WTIP: variants seen among roughly 807,000 people sequenced by gnomAD.
WTIP encodes Wilms tumor protein 1-interacting protein.
A neutral mutation model predicts 41.7 loss-of-function variants in WTIP; 23 were observed. The ratio of observed to expected loss-of-function variants is 0.55; its 90% CI spans 0.40 to 0.78. The LOEUF (loss-of-function observed/expected upper bound fraction) is 0.78. Among genes scored for constraint, WTIP ranks in the 30% least tolerant of loss-of-function variants. WTIP has a pLI of 0.00. For synonymous variants in WTIP, 314 were observed against 269.9 expected, an observed-to-expected ratio of 1.16 and a Z score of -1.60; for missense variants, 619 against 610.5, an observed-to-expected ratio of 1.01 and a Z score of -0.15.
chr19:34,497,616 C>T (rs1385384987), intron 7 of WTIP, among the ~76,000 whole-genome samples: 1 of 152,184 alleles, frequency 6.6e-6, no homozygotes, highest in African/African-American at 2.4e-5. Context: ...GAGGCCTGGG[C>T]AGGAGAACCA....
intron 1 of WTIP, among the ~76,000 whole-genome samples, chr19:34,485,488 A>C (rs987736308): frequency 3.3e-5 from 5 of 152,254 alleles, no homozygotes; most frequent in African/African-American, 9.6e-5. Context: ...CATAGAGTTC[A>C]ACCAGAATAA....
chr19:34,500,209 C>T lies in WTIP; in HGVS notation c.1233C>T (p.His411=), dbSNP rs766517000. ...GCCACCTACTGTGTCGTCGTTGCCA[C>T]CTGCGGCGCCTCCAACCTGGGCCTC... ...LAGHLLCRRC[H]LRRLQPGPLP... The change falls in exon 8 of 8, where the codon CAC becomes CAT. Residue 411 remains histidine (H), a synonymous_variant. Transcript: ENST00000590071. 6.2e-7 allele frequency: 1 copy of T among 1,606,414 alleles called. No homozygotes were observed. Among genetic ancestry groups the T allele is most frequent in the East Asian group, 2.2e-5 (1 of 44,850 alleles).
intron 6 of WTIP, among the ~76,000 whole-genome samples, 169 bp from the exon 7 acceptor site, chr19:34,495,534 T>TGC (rs2075848330): frequency 6.6e-6 from 1 of 152,244 alleles, no homozygotes; most frequent in Admixed American, 6.5e-5. Flanking sequence ...TCTGTGTGTG[T>TGC]GCACCTGCTG....
In WTIP at chr19:34,500,405, C is replaced by G. The variant is rs1599966315; in HGVS notation, c.*136C>G. On this transcript the variant is annotated 3_prime_UTR_variant, in exon 8 of 8. Transcript: ENST00000590071. ...AGCTGCTGTCTGCAGGGGCCGGACC[C>G]CCGCGTGGAAGCTTCTATTTATTCA... 1 of 1,235,268 alleles carries G rather than the reference C, an allele frequency of 8.1e-7. No homozygotes were observed. Among genetic ancestry groups the G allele is most frequent in the Non-Finnish European group, 1.1e-6 (1 of 928,404 alleles). The allele number at this position is 1,235,268 out of a possible 1,614,324, so 76.5% of individuals were successfully genotyped here. A position where few individuals can be genotyped will look rare whatever the true frequency, so the allele number is the denominator to read the frequency against.
At chr19:34,492,342 TG>T (rs1186334284) in intron 2 of WTIP, among the ~76,000 whole-genome samples, 2 of 148,804 alleles carry the variant, frequency 1.3e-5, no homozygotes, top group Admixed American at 1.3e-4. Context: ...CTTGAACTCC[TG>T]GGCTCAAGCG....
Position 34,482,053 on chromosome 19 carries a change from T to TGCGGCTCTCCCGGTCGGGG in WTIP, c.85_103dup (p.Arg35LeufsTer130). 1 of 1,032,716 alleles carries TGCGGCTCTCCCGGTCGGGG rather than the reference T, an allele frequency of 9.7e-7. No homozygotes were observed. The highest frequency in any genetic ancestry group is 1.2e-6 in the Non-Finnish European group (1 of 862,202). 64.0% of individuals were successfully genotyped at this position (1,032,716 alleles called of 1,614,324 possible). A position where few individuals can be genotyped will look rare whatever the true frequency, so the allele number is the denominator to read the frequency against. On this transcript the variant is annotated frameshift_variant, in exon 1 of 8. Transcript: ENST00000590071. LOFTEE classifies it high-confidence loss of function. ...GGCCCTGCGGGAGCTGGAGCCCGGG[T>TGCGGCTCTCCCGGTCGGGG]GCGGCTCTCCCGGTCGGGGGCGGCG...
chr19:34,482,512 TTCCCGCTGCCTGCAC>T lies in WTIP; in HGVS notation c.549_563del (p.Ala184_Pro188del). On this transcript the variant is annotated inframe_deletion, in exon 1 of 8. Coordinates refer to ENST00000590071, the MANE Select transcript of WTIP (RefSeq NM_001080436.2). The stretch of plus-strand genomic sequence containing the variant: ...CCCGGAGCCTGCGGGGCCGGCTCCC[TTCCCGCTGCCTGCAC>T]TCCCGCTGCCCCCTGGCCGGGAGGG... 1.6e-6 allele frequency: 2 copies of T among 1,228,600 alleles called. No individual in the cohort carries two copies. Among genetic ancestry groups the T allele is most frequent in the South Asian group, 3.7e-5 (1 of 27,054 alleles). The allele number at this position is 1,228,600 out of a possible 1,614,324, so 76.1% of individuals were successfully genotyped here.
At chr19:34,487,053 C>T (rs374000316) in intron 1 of WTIP, among the ~76,000 whole-genome samples, 4 of 150,640 alleles carry the variant, frequency 2.7e-5, no homozygotes, top group African/African-American at 7.3e-5. Flanking sequence ...CTCAGACTCC[C>T]AAAGTGCTGA....
chr19:34,482,950 A>G (rs555831428), intron 1 of WTIP, among the ~76,000 whole-genome samples: 25 of 150,000 alleles, frequency 1.7e-4, no homozygotes, highest in Admixed American at 8.6e-4. Flanking sequence ...TCATGGGCAC[A>G]CTGAGCCATT....
chr19:34,488,478 G>A (rs1212965285), intron 1 of WTIP, among the ~76,000 whole-genome samples: 2 of 152,190 alleles, frequency 1.3e-5, no homozygotes, highest in South Asian at 4.2e-4. Context: ...TGATCCTCCT[G>A]CCTCAGACTC....
In WTIP at chr19:34,492,107, C is replaced by CTTT. The variant is rs71165662; in HGVS notation, c.770-911_770-909dup. Among the ~76,000 whole-genome samples the CTTT allele has an allele frequency of 5.0e-5, 5 of 100,550 alleles. No homozygotes were observed. The East Asian group carries it at 1.1e-3, about 22-fold the overall frequency. The allele number at this position is 100,550 out of a possible 152,430, so 66.0% of individuals were successfully genotyped here. A position where few individuals can be genotyped will look rare whatever the true frequency, so the allele number is the denominator to read the frequency against. ...TAATGGCTGATCTTGTGTTCAATGTCTTTTTTTTTTTTTTTTTTTTTAAGA... is the reference window on the plus strand; with the variant it reads ...TAATGGCTGATCTTGTGTTCAATGTCTTTTTTTTTTTTTTTTTTTTTTTTAAGA... On this transcript the variant is annotated intron_variant, in intron 2 of 7. Coordinates refer to ENST00000590071, the MANE Select transcript of WTIP (RefSeq NM_001080436.2).
intron 7 of WTIP, among the ~76,000 whole-genome samples, chr19:34,497,534 G>A (rs1156763272): frequency 2.6e-5 from 4 of 152,178 alleles, no homozygotes; most frequent in Non-Finnish European, 5.9e-5. Flanking sequence ...AAGGAGTGGG[G>A]GTCAGGATAG....
chr19:34,481,825 C>T lies in WTIP; in HGVS notation c.-150C>T. 1 of 242,396 alleles carries T rather than the reference C, an allele frequency of 4.1e-6. No individual in the cohort carries two copies. Among genetic ancestry groups the T allele is most frequent in the Non-Finnish European group, 6.5e-6 (1 of 153,622 alleles). 15.0% of individuals were successfully genotyped at this position (242,396 alleles called of 1,614,324 possible). A position where few individuals can be genotyped will look rare whatever the true frequency, so the allele number is the denominator to read the frequency against. Reference sequence around the variant, plus strand: ...CCCGGCCCGCGCGTGGCCGCCGGAACGACCCCGGCCCGGCGCCGGCCCCGC... The same window carrying T: ...CCCGGCCCGCGCGTGGCCGCCGGAATGACCCCGGCCCGGCGCCGGCCCCGC... On this transcript the variant is annotated 5_prime_UTR_variant, in exon 1 of 8. In the 5' UTR this introduces an upstream ATG that the reference lacks. Coordinates refer to ENST00000590071, the MANE Select transcript of WTIP (RefSeq NM_001080436.2).
chr19:34,489,084 A>G (rs2075812256), intron 1 of WTIP, among the ~76,000 whole-genome samples: 1 of 151,182 alleles, frequency 6.6e-6, no homozygotes, highest in South Asian at 2.1e-4. Flanking sequence ...CTGTAATCCC[A>G]GCTACTCGGG....
At chr19:34,492,049 T>G (rs1230583395) in intron 2 of WTIP, among the ~76,000 whole-genome samples, 1 of 152,008 alleles carries the variant, frequency 6.6e-6, no homozygotes. Context: ...TTCTAGAACT[T>G]AACATAAATG....
rs542899487 is a variant in WTIP at position 34,483,236 on chromosome 19, C to T, written c.667+595C>T. Among the ~76,000 whole-genome samples, 20 of 142,688 alleles carry T rather than the reference C, an allele frequency of 1.4e-4. No homozygotes were observed. In the East Asian group the frequency reaches 4.0e-3, roughly 28 times the overall value. 93.6% of individuals were successfully genotyped at this position (142,688 alleles called of 152,430 possible). On this transcript the variant is annotated intron_variant, in intron 1 of 7. Coordinates refer to ENST00000590071, the MANE Select transcript of WTIP (RefSeq NM_001080436.2). ...ACAGAGTCTCCCTATGTTGCCCAGG[C>T]TGGTCTTAAACTCCTGGGCTCAAGC... is the stretch of plus-strand genomic sequence containing the variant.
At position 34,503,419 on chromosome 19, in the gene WTIP, T is replaced by G. The variant is rs2145615348; in HGVS notation, c.*3150T>G. ...AAGTCTTGGCCTCTGCTCTCCAAGCTCATTTGCCAACAGCAGTATCTCCAT... is the reference window on the plus strand; with the variant it reads ...AAGTCTTGGCCTCTGCTCTCCAAGCGCATTTGCCAACAGCAGTATCTCCAT... On this transcript the variant is annotated 3_prime_UTR_variant, in exon 8 of 8. Coordinates refer to ENST00000590071, the MANE Select transcript of WTIP (RefSeq NM_001080436.2). 1 of 152,420 alleles carries G rather than the reference T, an allele frequency of 6.6e-6. No individual in the cohort carries two copies. Among genetic ancestry groups the G allele is most frequent in the East Asian group, 1.9e-4 (1 of 5,176 alleles). The allele number at this position is 152,420 out of a possible 1,614,324, so 9.4% of individuals were successfully genotyped here.
At chr19:34,487,009 A>T (rs1158482825) in intron 1 of WTIP, among the ~76,000 whole-genome samples, 1 of 150,784 alleles carries the variant, frequency 6.6e-6, no homozygotes, top group Non-Finnish European at 1.5e-5. Context: ...AGCTCACTGC[A>T]GCCTGAACTC....
In WTIP at chr19:34,493,521, C is replaced by G. The variant is rs1314725430; in HGVS notation, c.930C>G (p.His310Gln). Reference sequence around the variant, plus strand: ...TGCAGGCCCTGGGCAAGTCCTACCACCCAGGCTGCTTCCGGTGCTCCGTGT... The same window carrying G: ...TGCAGGCCCTGGGCAAGTCCTACCAGCCAGGCTGCTTCCGGTGCTCCGTGT... The part of the protein sequence containing the change: ...MILQALGKSY[H>Q]PGCFRCSVCN... Residue 310 changes from histidine to glutamine, a missense_variant, in exon 5 of 8, where the codon CAC becomes CAG. Physicochemically the swap from His to Gln is conservative, Grantham distance 24. Transcript: ENST00000590071. This position sits in a 1 kb window ranked among gnomAD's most constrained non-coding sequence, Gnocchi z 4.1. The G allele has an allele frequency of 6.2e-7, 1 of 1,613,704 alleles. No homozygotes were observed. The highest frequency in any genetic ancestry group is 8.5e-7 in the Non-Finnish European group (1 of 1,179,882).
Sources: gnomAD v4.1 joint callset for allele counts (sites outside exome capture counted in the v4.1 genomes callset) on GRCh38, gnomAD v4.1.1 for gene constraint, Gnocchi (gnomAD v3.1) non-coding constraint, MANE v1.5 for transcripts, NCBI Gene and HGNC (gene_info 2026-07-23, HGNC 2026-07-21) for gene names.